Variants in SHROOM3 observed in about 807,000 individuals in gnomAD.
SHROOM3 encodes protein Shroom3.
In SHROOM3, 47 loss-of-function variants were observed where a neutral mutation model predicts 138.6. The observed-to-expected ratio is 0.34, with a 90% confidence interval of 0.27 to 0.43. The LOEUF (loss-of-function observed/expected upper bound fraction) is 0.43, where lower values mean the gene tolerates loss of function less well. SHROOM3 is among the 20% of genes least tolerant of loss of function. SHROOM3 has a pLI of 1.00. For synonymous variants in SHROOM3, 1,062 were observed against 1,063.3 expected (o/e 1.00, Z 0.02); for missense variants, 2,491 against 2,596.5 (o/e 0.96, Z 0.88).
chr4:76,607,763 G>A (rs1335094722), intron 2 of SHROOM3, among the ~76,000 whole-genome samples: 2 of 152,028 alleles, frequency 1.3e-5, no homozygotes, highest in Non-Finnish European at 2.9e-5. Flanking sequence ...AAGTCACCAC[G>A]TGGGCATCAT....
intron 2 of SHROOM3, among the ~76,000 whole-genome samples, chr4:76,630,638 A>T (rs1458947299): frequency 1.3e-5 from 2 of 152,186 alleles, no homozygotes; most frequent in African/African-American, 4.8e-5. Flanking sequence ...TCAATCAGTC[A>T]CAAAAAAGTG....
intron 3 of SHROOM3, among the ~76,000 whole-genome samples, chr4:76,713,649 A>G (rs1355823383): frequency 1.3e-5 from 2 of 152,242 alleles, no homozygotes; most frequent in Admixed American, 6.5e-5. Flanking sequence ...CATTTATTAT[A>G]AAGTATTATG....
intron 1 of SHROOM3, among the ~76,000 whole-genome samples, chr4:76,489,878 G>A (rs1051937791): frequency 2.6e-5 from 4 of 152,116 alleles, no homozygotes; most frequent in African/African-American, 9.7e-5. Context: ...TGGACAAAAC[G>A]CCCAGCAAAG....
chr4:76,441,423 C>T (rs1384633389), intron 1 of SHROOM3, among the ~76,000 whole-genome samples: 1 of 152,108 alleles, frequency 6.6e-6, no homozygotes, highest in African/African-American at 2.4e-5. Context: ...GATTTTTAGG[C>T]AGTTCCCCAA....
intron 2 of SHROOM3, among the ~76,000 whole-genome samples, chr4:76,696,976 G>A (rs1257248606): frequency 6.6e-6 from 1 of 152,058 alleles, no homozygotes; most frequent in Non-Finnish European, 1.5e-5. Context: ...GGGTGCAGTG[G>A]TGCAATCATA....
chr4:76,636,478 A>G (rs1263694361), intron 2 of SHROOM3, among the ~76,000 whole-genome samples: 1 of 152,178 alleles, frequency 6.6e-6, no homozygotes, highest in Non-Finnish European at 1.5e-5. Flanking sequence ...ATTTAAAATC[A>G]CTTTTCCTAA....
chr4:76,728,975 CCTT>C (rs1220723982), intron 3 of SHROOM3, among the ~76,000 whole-genome samples: 19 of 152,180 alleles, frequency 1.2e-4, no homozygotes, highest in Non-Finnish European at 2.6e-4. Context: ...CATTTACCAT[CCTT>C]CTTTTTAAAG....
intron 1 of SHROOM3, among the ~76,000 whole-genome samples, chr4:76,437,998 T>C (rs1730594652): frequency 6.6e-6 from 1 of 152,194 alleles, no homozygotes; most frequent in African/African-American, 2.4e-5. Flanking sequence ...TACTATCTAC[T>C]TTAATGGGTT....
chr4:76,454,798 C>G lies in SHROOM3; in HGVS notation c.168+18578C>G, dbSNP rs151308361. Reference sequence around the variant, plus strand: ...AATATTTTCTTCTAATCCATAAATGCAGAGTGCCTTTCAGTTTGTGTCTGC... The same window carrying G: ...AATATTTTCTTCTAATCCATAAATGGAGAGTGCCTTTCAGTTTGTGTCTGC... On this transcript the variant is annotated intron_variant, in intron 1 of 10. Transcript: ENST00000296043. Among the ~76,000 whole-genome samples the G allele has an allele frequency of 1.5e-3, 234 of 152,254 alleles. 1 individual carries two copies. Among genetic ancestry groups the G allele is most frequent in the African/African-American group, 5.4e-3 (225 of 41,558 alleles).
At chr4:76,470,202 T>A (rs952766246) in intron 1 of SHROOM3, among the ~76,000 whole-genome samples, 1 of 152,184 alleles carries the variant, frequency 6.6e-6, no homozygotes, top group African/African-American at 2.4e-5. Flanking sequence ...CCCATAGCTA[T>A]TCACTATACT....
intron 1 of SHROOM3, among the ~76,000 whole-genome samples, chr4:76,532,504 T>C (rs1487504188): frequency 3.3e-5 from 5 of 152,238 alleles, no homozygotes; most frequent in Non-Finnish European, 5.9e-5. Flanking sequence ...AAGACCCCCA[T>C]TGGGTGCCAG....
intron 3 of SHROOM3, among the ~76,000 whole-genome samples, chr4:76,722,947 G>A (rs1469440375): frequency 6.6e-6 from 1 of 152,006 alleles, no homozygotes; most frequent in East Asian, 1.9e-4. Flanking sequence ...GGTGCTGGTA[G>A]TCTGAGTATA....
At chr4:76,727,435 C>G (rs1055112282) in intron 3 of SHROOM3, among the ~76,000 whole-genome samples, 4 of 152,178 alleles carry the variant, frequency 2.6e-5, no homozygotes, top group Admixed American at 6.5e-5. Context: ...GAATCTAAGT[C>G]AGTGAGGCAG....
intron 3 of SHROOM3, among the ~76,000 whole-genome samples, chr4:76,714,075 G>A (rs191965290): frequency 6.6e-6 from 1 of 152,280 alleles, no homozygotes; most frequent in East Asian, 1.9e-4. Context: ...ATAGTACAGA[G>A]ATTTCCTGTA....
At chr4:76,710,431 G>C in intron 3 of SHROOM3, 144 bp downstream of exon 3, 2 of 962,132 alleles carry the variant, frequency 2.1e-6, no homozygotes, top group Non-Finnish European at 1.6e-6. Context: ...ACAAGGAGGC[G>C]AGATAGAAGC....
At chr4:76,546,857 T>C (rs761781690) in intron 1 of SHROOM3, among the ~76,000 whole-genome samples, 3 of 152,204 alleles carry the variant, frequency 2.0e-5, no homozygotes, top group Non-Finnish European at 4.4e-5. Context: ...GGAATGAAAG[T>C]AGCCAGGAAA....
chr4:76,602,848 C>T (rs576159170), intron 2 of SHROOM3, among the ~76,000 whole-genome samples: 122 of 152,134 alleles, frequency 8.0e-4, no homozygotes, highest in African/African-American at 2.7e-3. Context: ...CCTGGTGCCT[C>T]GGTTTCCTTA....
intron 1 of SHROOM3, among the ~76,000 whole-genome samples, chr4:76,469,592 G>A (rs758911815): frequency 6.6e-6 from 1 of 152,136 alleles, no homozygotes; most frequent in African/African-American, 2.4e-5. Context: ...GAGTAGCTGG[G>A]ACGTCAGGTG....
At chr4:76,594,311 G>T (rs767888870) in intron 2 of SHROOM3, among the ~76,000 whole-genome samples, 2 of 152,180 alleles carry the variant, frequency 1.3e-5, no homozygotes, top group Non-Finnish European at 2.9e-5. Context: ...ATTGCCCTCT[G>T]TGAGGGCAGA....
Sources: gnomAD v4.1 joint callset for allele counts (sites outside exome capture counted in the v4.1 genomes callset) on GRCh38, gnomAD v4.1.1 for gene constraint, MANE v1.5 for transcripts, NCBI Gene and HGNC (gene_info 2026-07-23, HGNC 2026-07-21) for gene names.